The following TAB3 variants were observed in gnomAD, a reference collection of about 807,000 sequenced individuals.
TAB3 encodes TGF-beta activated kinase 1 (MAP3K7) binding protein 3.
Under a neutral mutation model 48.1 loss-of-function variants are expected in TAB3, and 18 were observed. The observed-to-expected ratio is 0.37, with a 90% CI of 0.26 to 0.55. The LOEUF is 0.55. Ranked by LOEUF, TAB3 falls within the 20% of genes least tolerant of loss-of-function variation. The probability of loss-of-function intolerance (pLI) is 0.78; values close to 1 mark genes in which losing one functional copy is unlikely to be tolerated. For missense variants in TAB3, 414 were observed against 549.8 expected (o/e 0.75, Z 2.47); for synonymous variants, 185 against 190.2 (o/e 0.97, Z 0.22).
intron 4 of TAB3, among the ~76,000 whole-genome samples, chrX:30,865,689 T>C (rs1430919820): frequency 8.9e-6 from 1 of 112,157 alleles, no homozygotes; most frequent in African/African-American, 3.2e-5. Context: ...AAAGCTAGGA[T>C]ACAAATTTAA....
intron 1 of TAB3, among the ~76,000 whole-genome samples, chrX:30,885,354 C>T (rs1237219892): frequency 8.9e-6 from 1 of 112,348 alleles, no homozygotes; most frequent in Non-Finnish European, 1.9e-5. Context: ...AACACAGAAC[C>T]TGTGTGGGCA....
chrX:30,839,940 AT>A (rs1569204504), intron 9 of TAB3, among the ~76,000 whole-genome samples: 2 of 92,576 alleles, frequency 2.2e-5, no homozygotes, highest in Non-Finnish European at 2.1e-5. Flanking sequence ...ATATATATAT[AT>A]ATAATATATA....
intron 4 of TAB3, among the ~76,000 whole-genome samples, chrX:30,862,240 T>A (rs1376395217): frequency 8.9e-6 from 1 of 111,866 alleles, no homozygotes; most frequent in Non-Finnish European, 1.9e-5. Flanking sequence ...GAAATAACAG[T>A]TTTCCTAACA....
chrX:30,847,010 T>C (rs1028430808), intron 7 of TAB3, among the ~76,000 whole-genome samples: 5 of 111,541 alleles, frequency 4.5e-5, no homozygotes, highest in African/African-American at 1.6e-4. Flanking sequence ...GTCATGTCCA[T>C]GATCTTAGTC....
intron 8 of TAB3, 181 bp downstream of exon 8, chrX:30,846,370 A>G (rs1249462190): frequency 1.3e-5 from 5 of 384,275 alleles, no homozygotes; most frequent in Non-Finnish European, 1.7e-5. Context: ...TGCCGAAGTA[A>G]AACTATTTTT....
intron 9 of TAB3, among the ~76,000 whole-genome samples, chrX:30,841,700 C>T (rs1481618259): frequency 8.9e-6 from 1 of 111,762 alleles, no homozygotes; most frequent in Non-Finnish European, 1.9e-5. Context: ...ATAAGGCATT[C>T]TCCACTGTTC....
At chrX:30,866,194 T>C (rs190131831) in intron 4 of TAB3, among the ~76,000 whole-genome samples, 4 of 111,680 alleles carry the variant, frequency 3.6e-5, no homozygotes, top group South Asian at 7.5e-4. Context: ...CCAGAAACGA[T>C]AGATTCATAT....
intron 5 of TAB3, among the ~76,000 whole-genome samples, chrX:30,858,505 A>G (rs1444968201): frequency 9.0e-6 from 1 of 111,705 alleles, no homozygotes. Context: ...TGTTACCATC[A>G]TTGTTCTCTG....
In TAB3 at chrX:30,859,578, C is replaced by A; in HGVS notation, c.11G>T (p.Ser4Ile). The change falls in exon 5 of 11, where the codon AGC becomes ATC. Residue 4 changes from serine to isoleucine, a missense_variant. By Grantham distance (142) the Ser-to-Ile change is moderately radical. Transcript: ENST00000288422. MAQSSPQLDIQVLH... is the reference protein window; with the variant it reads MAQISPQLDIQVLH... ...AACCTGAATATCAAGCTGTGGGCTG[C>A]TTTGCGCCATGCCAGAGCAAATGGT... 1 of 1,205,823 alleles carries A rather than the reference C, an allele frequency of 8.3e-7. No individual in the cohort carries two copies. Among genetic ancestry groups the A allele is most frequent in the Non-Finnish European group, 1.1e-6 (1 of 892,065 alleles).
intron 10 of TAB3, among the ~76,000 whole-genome samples, chrX:30,832,439 T>A (rs952373109): frequency 7.1e-5 from 8 of 111,891 alleles, no homozygotes; most frequent in Non-Finnish European, 1.5e-4. Flanking sequence ...GATCTCCAGA[T>A]GGAATTCACC....
At chrX:30,888,462 C>T (rs999041316) in intron 1 of TAB3, among the ~76,000 whole-genome samples, 8 of 112,239 alleles carry the variant, frequency 7.1e-5, no homozygotes, top group African/African-American at 2.3e-4. Context: ...CCTCACCTGT[C>T]CCTCACCCTT....
chrX:30,868,371 C>CTT (rs1299041134), intron 2 of TAB3, among the ~76,000 whole-genome samples: 652 of 2,738 alleles, frequency 0.24, 236 homozygotes, highest in African/African-American at 0.62. Context: ...ATATATATAG[C>CTT]TTATATATAT....
chrX:30,854,028 T>G, intron 6 of TAB3, 88 bp downstream of exon 6: 1 of 1,004,275 alleles, frequency 1.0e-6, no homozygotes, highest in Non-Finnish European at 1.3e-6. Flanking sequence ...TACTAAACAT[T>G]TAATTAAAAC....
chrX:30,854,843 G>A lies in TAB3; in HGVS notation c.822C>T (p.Asn274=), dbSNP rs140872082. Residue 274 remains asparagine, a synonymous_variant, in exon 6 of 11, where the codon AAC becomes AAT. Transcript: ENST00000288422. ...TGGGAGAATACTGAGAAGGCTGATA[G>A]TTCTGTTGGTGTGGATAAACAGGTA... is the stretch of plus-strand genomic sequence containing the variant. ...RPLPVYPHQQ[N]YQPSQYSPKQ... 96 of 1,209,458 alleles carry A rather than the reference G, an allele frequency of 7.9e-5. No individual in the cohort carries two copies. Among genetic ancestry groups the A allele is most frequent in the Admixed American group, 1.1e-4 (5 of 45,638 alleles).
rs1939193157 is a variant in TAB3, at chrX:30,859,650, T to C, written c.-62A>G. On this transcript the variant is annotated 5_prime_UTR_variant, in exon 5 of 11. Coordinates refer to ENST00000288422, the MANE Select transcript of TAB3 (RefSeq NM_152787.5). ...TGGATGTTAACCGGCTTTCCAAAAG[T>C]AATGATCTTCTAGCACCACAGTCAT... The C allele has an allele frequency of 2.7e-6, 2 of 751,455 alleles. No homozygotes were observed. The highest frequency in any genetic ancestry group is 4.3e-5 in the African/African-American group (2 of 46,809). 61.9% of individuals were successfully genotyped at this position (751,455 alleles called of 1,213,427 possible).
At chrX:30,888,923 AGGCCCTGCGC>A (rs1940215043) in intron 1 of TAB3, among the ~76,000 whole-genome samples, 181 bp downstream of exon 1, 3 of 113,048 alleles carry the variant, frequency 2.7e-5, no homozygotes, top group African/African-American at 9.6e-5. Context: ...CGGACGCGCC[AGGCCCTGCGC>A]AAACCTCCGG....
intron 7 of TAB3, among the ~76,000 whole-genome samples, chrX:30,847,443 C>G (rs1174370095): frequency 9.3e-6 from 1 of 108,062 alleles, no homozygotes; most frequent in Admixed American, 1.0e-4. Flanking sequence ...TTCAGTAAAG[C>G]TTTTTGGAAG....
At chrX:30,858,145 A>C (rs1939133588) in intron 5 of TAB3, among the ~76,000 whole-genome samples, 1 of 112,302 alleles carries the variant, frequency 8.9e-6, no homozygotes, top group South Asian at 3.7e-4. Flanking sequence ...ACAAATGTTC[A>C]CTGAGCTGAA....
rs1445025124 is a variant in TAB3 at position 30,855,310 on chromosome X, A to C, written c.355T>G (p.Cys119Gly). The change falls in exon 6 of 11, where the codon TGT (cysteine) becomes GGT (glycine). Residue 119 changes from cysteine to glycine, a missense_variant. Transcript: ENST00000288422. ...PQHAAGKQLI[C>G]LVQEPHSAPA... ...GCTGAGTGTGGTTCTTGAACTAAACATATCAGCTGTTTACCTGCTGCATGC... is the reference window on the plus strand; with the variant it reads ...GCTGAGTGTGGTTCTTGAACTAAACCTATCAGCTGTTTACCTGCTGCATGC... 1 of 1,211,901 alleles carries C rather than the reference A, an allele frequency of 8.3e-7. No homozygotes were observed. Among genetic ancestry groups the C allele is most frequent in the Non-Finnish European group, 1.1e-6 (1 of 895,583 alleles).
Sources: allele counts gnomAD v4.1 joint callset (sites outside exome capture counted in the v4.1 genomes callset), GRCh38; gene constraint gnomAD v4.1.1; transcripts MANE v1.5; gene names NCBI Gene and HGNC (gene_info 2026-07-23, HGNC 2026-07-21).